Variants in ARHGAP4 observed in about 807,000 individuals in gnomAD.
The protein encoded by ARHGAP4 is rho GTPase-activating protein 4.
ARHGAP4 carries 25 observed loss-of-function variants against 67.6 expected under a neutral mutation model. That is an observed-to-expected ratio of 0.37 (90% CI 0.27 to 0.52). ARHGAP4 has a LOEUF of 0.52. Among genes scored for constraint, ARHGAP4 ranks in the 20% least tolerant of loss-of-function variants. ARHGAP4 has a pLI of 0.92. For missense variants in ARHGAP4, 804 were observed against 854.6 expected (o/e 0.94, Z 0.74); for synonymous variants, 448 against 373.7 (o/e 1.20, Z -2.29).
intron 1 of ARHGAP4, among the ~76,000 whole-genome samples, chrX:153,925,288 A>C (rs1557105952): frequency 8.9e-6 from 1 of 111,909 alleles, no homozygotes; most frequent in Non-Finnish European, 1.9e-5. Context: ...GTTCAAAGGC[A>C]CTTCAAGGGT....
rs781993268 is a variant in ARHGAP4 at position 153,909,148 on chromosome X, A to G, written c.2529T>C (p.Pro843=). The G allele has an allele frequency of 3.3e-6, 4 of 1,210,046 alleles. No homozygotes were observed. The East Asian group carries it at 1.2e-4, about 36-fold the overall frequency. ...TGTGTCCAGAGGGTCCCATGGCCTC[A>G]GGTGAGGTGCATGGCTCTGGCCTGC... ...LVHRPEPCTS[P]EAMGPSGHRR... Residue 843 remains proline, a synonymous_variant, in exon 21 of 22, where the codon CCT becomes CCC. Coordinates refer to ENST00000350060, the MANE Select transcript of ARHGAP4 (RefSeq NM_001666.5).
chrX:153,921,410 C>T lies in ARHGAP4; in HGVS notation c.390G>A (p.Gln130=). ...LSEVLAGPLA[Q]RLSHIAEDVG... ...CGTCCTCTGCAATGTGACTCAGGCG[C>T]TGGGCCAGGGGCCCGGCCAGCACCT... The change falls in exon 3 of 22, where the codon CAG becomes CAA. Residue 130 remains glutamine (Q), a synonymous_variant. Coordinates refer to ENST00000350060, the MANE Select transcript of ARHGAP4 (RefSeq NM_001666.5). 1.7e-6 allele frequency: 2 copies of T among 1,210,885 alleles called. No individual in the cohort carries two copies. The highest frequency in any genetic ancestry group is 2.2e-6 in the Non-Finnish European group (2 of 895,390).
chrX:153,919,390 C>T, intron 5 of ARHGAP4, 107 bp from the exon 6 acceptor site: 3 of 1,180,062 alleles, frequency 2.5e-6, no homozygotes, highest in Non-Finnish European at 3.4e-6. Flanking sequence ...GACAACTACA[C>T]CTGAACTGGT....
Position 153,913,233 on chromosome X carries a change from C to A in ARHGAP4, c.1396G>T (p.Glu466Ter). The change falls in exon 10 of 22, where the codon GAG becomes TAG. Residue 466 changes from glutamate to a stop codon, truncating the protein, a stop_gained. Coordinates refer to ENST00000350060, the MANE Select transcript of ARHGAP4 (RefSeq NM_001666.5). LOFTEE classifies it high-confidence loss of function. Reference sequence around the variant, plus strand: ...CTGGGCCCACCTCGCTGAAGGGCCTCCTGCAGCTTCTCGTGCTTGGCCTGC... The same window carrying A: ...CTGGGCCCACCTCGCTGAAGGGCCTACTGCAGCTTCTCGTGCTTGGCCTGC... ...KLQAKHEKLQ[E>*]ALQRGDKEEQ... is the part of the protein sequence containing the mutation. 8.6e-7 allele frequency: 1 copy of A among 1,169,030 alleles called. No individual in the cohort carries two copies.
intron 10 of ARHGAP4, 33 bp from the exon 11 acceptor site, chrX:153,913,084 G>A (rs1209311867): frequency 5.9e-6 from 7 of 1,181,367 alleles, no homozygotes; most frequent in Non-Finnish European, 5.7e-6. Flanking sequence ...TCTGCCTCTC[G>A]GGCCAGGGGT....
intron 1 of ARHGAP4, 150 bp downstream of exon 1, chrX:153,925,986 G>C (rs2148530458): frequency 1.3e-6 from 1 of 791,666 alleles, no homozygotes; most frequent in Admixed American, 4.1e-5. Flanking sequence ...CGGGAGGCAG[G>C]CAAGGGGCTC....
intron 1 of ARHGAP4, 36 bp from the exon 2 acceptor site, chrX:153,921,845 C>G (rs781925620): frequency 1.7e-6 from 2 of 1,152,590 alleles, no homozygotes; most frequent in Admixed American, 5.0e-5. Flanking sequence ...CTGGTCAGCA[C>G]GCCCTGCCTG....
intron 1 of ARHGAP4, among the ~76,000 whole-genome samples, chrX:153,925,616 C>G (rs1238617041): frequency 8.9e-6 from 1 of 112,653 alleles, no homozygotes; most frequent in Non-Finnish European, 1.9e-5. Flanking sequence ...ACTCACTGCG[C>G]CAGCTTGACC....
chrX:153,914,675 C>T (rs1333964372), intron 7 of ARHGAP4, among the ~76,000 whole-genome samples: 3 of 111,760 alleles, frequency 2.7e-5, no homozygotes, highest in African/African-American at 6.5e-5. Context: ...CCAGCCTGGG[C>T]GACAGAGCGA....
chrX:153,914,025 C>A, intron 7 of ARHGAP4, 146 bp from the exon 8 acceptor site: 1 of 491,258 alleles, frequency 2.0e-6, no homozygotes, highest in Non-Finnish European at 3.5e-6. Flanking sequence ...TGAAGAATGG[C>A]AGGAGTGAAC....
intron 7 of ARHGAP4, among the ~76,000 whole-genome samples, chrX:153,915,029 T>C (rs782628001): frequency 1.7e-3 from 189 of 112,583 alleles, no homozygotes; most frequent in African/African-American, 5.9e-3. Context: ...CAGGACTGCA[T>C]GAAGGCGCAA....
intron 1 of ARHGAP4, among the ~76,000 whole-genome samples, chrX:153,923,786 TTTGA>T (rs1268941166): frequency 3.6e-5 from 4 of 112,347 alleles, no homozygotes; most frequent in Non-Finnish European, 7.5e-5. Context: ...AACGTTTTGT[TTTGA>T]TTTTTTGTTT....
At chrX:153,912,107 C>T (rs2065025444) in intron 12 of ARHGAP4, among the ~76,000 whole-genome samples, 1 of 108,331 alleles carries the variant, frequency 9.2e-6, no homozygotes, top group African/African-American at 3.4e-5. Flanking sequence ...TCTTTTCCTT[C>T]CTTCCTTCTT....
In ARHGAP4 at chrX:153,907,892, C is replaced by T. The variant is rs139058246; in HGVS notation, c.2678G>A (p.Gly893Glu). 280 of 1,057,846 alleles carry T rather than the reference C, an allele frequency of 2.6e-4. 1 individual carries two copies. Among genetic ancestry groups the T allele is most frequent in the Non-Finnish European group, 3.4e-4 (276 of 815,986 alleles). The allele number at this position is 1,057,846 out of a possible 1,213,427, so 87.2% of individuals were successfully genotyped here. Residue 893 changes from glycine (G) to glutamate (E), a missense_variant, in exon 22 of 22, where the codon GGG (glycine) becomes GAG (glutamate). Around this residue, in one of 2 missense-constraint regions of ARHGAP4, gnomAD observed 400 missense variants for 348.7 expected, o/e 1.15. Transcript: ENST00000350060. The part of the protein sequence containing the change: ...LGKTSVRQGL[G>E]PASTTSPSPG... ...ACTGGGAGAGGTGGTAGATGCTGGC[C>T]CAAGGCCCTGGCGGACAGAGGTCTT...
In ARHGAP4 at chrX:153,907,978, G is replaced by A. The variant is rs1388843980; in HGVS notation, c.2608-16C>T. 2 of 1,133,810 alleles carry A rather than the reference G, an allele frequency of 1.8e-6. No individual in the cohort carries two copies. Among genetic ancestry groups the A allele is most frequent in the African/African-American group, 1.9e-5 (1 of 53,202 alleles). 93.4% of individuals were successfully genotyped at this position (1,133,810 alleles called of 1,213,427 possible). A position where few individuals can be genotyped will look rare whatever the true frequency, so the allele number is the denominator to read the frequency against. Reference sequence around the variant, plus strand: ...GTGCCACAGCCTAGCGGAGGGGAAAGAAAGGGAGAGTGACCAGTGAGTTCC... The same window carrying A: ...GTGCCACAGCCTAGCGGAGGGGAAAAAAAGGGAGAGTGACCAGTGAGTTCC... On this transcript the variant is annotated splice_polypyrimidine_tract_variant and intron_variant, in intron 21 of 21. Coordinates refer to ENST00000350060, the MANE Select transcript of ARHGAP4 (RefSeq NM_001666.5).
At chrX:153,908,746 T>C (rs1557101914) in intron 21 of ARHGAP4, among the ~76,000 whole-genome samples, 1 of 112,085 alleles carries the variant, frequency 8.9e-6, no homozygotes, top group Non-Finnish European at 1.9e-5. Flanking sequence ...CCCTTGCCTC[T>C]ACCAGGTAAA....
At position 153,910,551 on chromosome X, in the gene ARHGAP4, G is replaced by A. The variant is rs375683029; in HGVS notation, c.1877C>T (p.Ala626Val). The change falls in exon 16 of 22, where the codon GCG (alanine) becomes GTG (valine). Residue 626 changes from alanine to valine, a missense_variant. Coordinates refer to ENST00000350060, the MANE Select transcript of ARHGAP4 (RefSeq NM_001666.5). ...HVSRLLWRLP[A>V]PVLVVLRYLF... ...GTAGCGCAGAACCACCAGCACCGGCGCGGGCAGCCGCCACAGCAGGCGGCT... is the reference window on the plus strand; with the variant it reads ...GTAGCGCAGAACCACCAGCACCGGCACGGGCAGCCGCCACAGCAGGCGGCT... 48 of 1,202,000 alleles carry A rather than the reference G, an allele frequency of 4.0e-5. No individual in the cohort carries two copies. The highest frequency in any genetic ancestry group is 1.2e-4 in the African/African-American group (7 of 56,769).
At chrX:153,909,414 G>GC in intron 20 of ARHGAP4, 29 bp downstream of exon 20, 1 of 1,049,313 alleles carries the variant, frequency 9.5e-7, no homozygotes, top group Non-Finnish European at 1.2e-6. Context: ...GCACACGTGT[G>GC]GCCCCCTGAG....
intron 7 of ARHGAP4, chrX:153,914,266 G>A (rs782452912): frequency 7.7e-5 from 16 of 208,680 alleles, no homozygotes; most frequent in Admixed American, 5.9e-4. Flanking sequence ...AGAGGAGAAC[G>A]GGGAGTAGTG....
Sources: gnomAD v4.1 joint callset for allele counts (sites outside exome capture counted in the v4.1 genomes callset) on GRCh38, gnomAD v4.1.1 for gene constraint, gnomAD v4.1.1 regional missense constraint, MANE v1.5 for transcripts, NCBI Gene and HGNC (gene_info 2026-07-23, HGNC 2026-07-21) for gene names.